Variants in BRF1 observed in about 807,000 individuals in gnomAD.
BRF1 encodes transcription factor IIIB 90 kDa subunit.
A neutral mutation model predicts 81.7 loss-of-function variants in BRF1; 59 were observed. The observed-to-expected ratio is 0.72, with a 90% CI of 0.59 to 0.90. BRF1 has a LOEUF of 0.90. Among genes scored for constraint, BRF1 ranks in the 40% least tolerant of loss-of-function variants. The pLI is 0.00. For synonymous variants in BRF1, 491 were observed against 395.6 expected, an observed-to-expected ratio of 1.24 and a Z score of -2.86; for missense variants, 1,050 against 936.3, an observed-to-expected ratio of 1.12 and a Z score of -1.58.
chr14:105,301,512 C>T (rs1487026508), upstream of BRF1, among the ~76,000 whole-genome samples: 1 of 148,372 alleles, frequency 6.7e-6, no homozygotes, highest in African/African-American at 2.5e-5. Flanking sequence ...GAGTGGTGGG[C>T]GGGGCCAGGG....
Position 105,212,449 on chromosome 14 carries a change from G to C in BRF1, c.1773-285C>G, listed in dbSNP as rs113844484. The C allele has an allele frequency of 8.7e-4, 370 of 423,068 alleles. 1 individual carries two copies. The highest frequency in any genetic ancestry group is 2.1e-3 in the Middle Eastern group (3 of 1,440). 26.2% of individuals were successfully genotyped at this position (423,068 alleles called of 1,614,324 possible). ...CCACTCCCCTTCCAACAGTGCCTGA[G>C]CCCTCAAGGAGCTGCCTGGTGCCCT... On this transcript the variant is annotated intron_variant, in intron 15 of 17. Coordinates refer to ENST00000547530, the MANE Select transcript of BRF1 (RefSeq NM_001519.4).
Position 105,287,605 on chromosome 14 carries a change from G to C in BRF1, c.185-1229C>G, listed in dbSNP as rs1460027162. 2.6e-5 allele frequency among the ~76,000 whole-genome samples: 4 copies of C among 152,290 alleles called. No homozygotes were observed. The East Asian group carries it at 7.7e-4, about 29-fold the overall frequency. Reference sequence around the variant, plus strand: ...AGGATGCAGAAGCAGAAAGCCAATCGCTGGAGCCTGGGGCCAGGCCCTCCA... The same window carrying C: ...AGGATGCAGAAGCAGAAAGCCAATCCCTGGAGCCTGGGGCCAGGCCCTCCA... On this transcript the variant is annotated intron_variant, in intron 1 of 17. Coordinates refer to ENST00000547530, the MANE Select transcript of BRF1 (RefSeq NM_001519.4).
At chr14:105,304,273 C>T (rs756573946), upstream of BRF1, among the ~76,000 whole-genome samples, 11 of 152,140 alleles carry the variant, frequency 7.2e-5, no homozygotes, top group Admixed American at 1.3e-4. Context: ...GGGCAGATCA[C>T]GAGGTCAAGA....
Position 105,221,628 on chromosome 14 carries a change from A to G in BRF1, c.1315+20T>C. 6.2e-7 allele frequency: 1 copy of G among 1,601,228 alleles called. No homozygotes were observed. Among genetic ancestry groups the G allele is most frequent in the South Asian group, 1.1e-5 (1 of 89,594 alleles). The stretch of plus-strand genomic sequence containing the variant: ...TCTCCCGATGACCTCAGCGTCCCCC[A>G]GGGCCCCATCAGAACTCACTGGGGT... On this transcript the variant is annotated intron_variant, in intron 11 of 17. Coordinates refer to ENST00000547530, the MANE Select transcript of BRF1 (RefSeq NM_001519.4).
chr14:105,286,234 G>A (rs2057309313), intron 2 of BRF1, 62 bp downstream of exon 2: 1 of 1,526,786 alleles, frequency 6.5e-7, no homozygotes, highest in East Asian at 2.3e-5. Context: ...CTCCACCCTA[G>A]CACCACCATC....
chr14:105,307,723 C>T (rs2058230372), intron 1 of BRF1, among the ~76,000 whole-genome samples: 1 of 152,262 alleles, frequency 6.6e-6, no homozygotes, highest in African/African-American at 2.4e-5. Flanking sequence ...GTTTCTACTT[C>T]CTCATCTGCA....
At chr14:105,229,649 A>G (rs1336376467) in intron 6 of BRF1, among the ~76,000 whole-genome samples, 3 of 150,908 alleles carry the variant, frequency 2.0e-5, no homozygotes, top group African/African-American at 4.9e-5. Flanking sequence ...GGGGCGGGGG[A>G]CAGCCTGGCA....
rs140143289 is a variant in BRF1 at position 105,291,952 on chromosome 14, T to C, written c.185-5576A>G. Among the ~76,000 whole-genome samples the C allele has an allele frequency of 3.7e-3, 566 of 151,986 alleles. 1 individual carries two copies. The highest frequency in any genetic ancestry group is 0.013 in the African/African-American group (531 of 41,456). On this transcript the variant is annotated intron_variant, in intron 1 of 17. Transcript: ENST00000547530. Reference sequence around the variant, plus strand: ...GGCGGAGGCTGCAGTGAGATGAGATTGCGCCATTGCACTCCAGCCTGGGCA... The same window carrying C: ...GGCGGAGGCTGCAGTGAGATGAGATCGCGCCATTGCACTCCAGCCTGGGCA...
In BRF1 at chr14:105,210,392, T is replaced by C. The variant is rs1038803843; in HGVS notation, c.*159A>G. 4.2e-6 allele frequency: 3 copies of C among 715,232 alleles called. No homozygotes were observed. In the African/African-American group the frequency reaches 5.4e-5, roughly 13 times the overall value. The allele number at this position is 715,232 out of a possible 1,614,324, so 44.3% of individuals were successfully genotyped here. ...TTGCTGAATAGAAACACAATCCCAA[T>C]GGTAAGTTCCACATGGGACGAGGGC... On this transcript the variant is annotated 3_prime_UTR_variant, in exon 18 of 18. Coordinates refer to ENST00000547530, the MANE Select transcript of BRF1 (RefSeq NM_001519.4). This position sits in a 1 kb window ranked among gnomAD's most constrained non-coding sequence, Gnocchi z 4.7.
intron 6 of BRF1, among the ~76,000 whole-genome samples, chr14:105,229,185 GCAAA>G (rs1305480596): frequency 6.6e-6 from 1 of 152,210 alleles, no homozygotes; most frequent in Non-Finnish European, 1.5e-5. Flanking sequence ...ATCCCTCAAA[GCAAA>G]CAAACTAACT....
At chr14:105,261,078 G>A (rs1045654783) in intron 3 of BRF1, among the ~76,000 whole-genome samples, 2 of 152,244 alleles carry the variant, frequency 1.3e-5, no homozygotes, top group Non-Finnish European at 2.9e-5. Context: ...AAAAAAGTCT[G>A]CAGAGAAGAG....
chr14:105,272,305 C>A (rs1327598637), intron 3 of BRF1, among the ~76,000 whole-genome samples: 2 of 152,210 alleles, frequency 1.3e-5, no homozygotes, highest in Non-Finnish European at 2.9e-5. Context: ...ACGGTGTCCA[C>A]AGCTGCAGGC....
chr14:105,286,519 C>T (rs1051633690), intron 1 of BRF1, 143 bp from the exon 2 acceptor site: 11 of 809,992 alleles, frequency 1.4e-5, no homozygotes, highest in East Asian at 2.7e-5. Context: ...CCCGCACCTC[C>T]GTCACTGAGC....
intron 10 of BRF1, among the ~76,000 whole-genome samples, chr14:105,225,525 C>G (rs1892944545): frequency 6.6e-6 from 1 of 152,190 alleles, no homozygotes; most frequent in Non-Finnish European, 1.5e-5. Context: ...TCCAACCTGA[C>G]TCTAGTACAA....
intron 2 of BRF1, among the ~76,000 whole-genome samples, chr14:105,279,428 C>T (rs1356073000): frequency 6.6e-6 from 1 of 152,158 alleles, no homozygotes; most frequent in African/African-American, 2.4e-5. Context: ...AAAGGACGTC[C>T]CAACAGCCAA....
rs959377644 is a variant in BRF1, at chr14:105,269,579, A to G, written c.439+3142T>C. Among the ~76,000 whole-genome samples the G allele has an allele frequency of 2.6e-4, 40 of 152,072 alleles. No homozygotes were observed. Among genetic ancestry groups the G allele is most frequent in the Non-Finnish European group, 1.6e-4 (11 of 67,998 alleles). On this transcript the variant is annotated intron_variant, in intron 3 of 17. Coordinates refer to ENST00000547530, the MANE Select transcript of BRF1 (RefSeq NM_001519.4). This position sits in a 1 kb window ranked among gnomAD's most constrained non-coding sequence, Gnocchi z 5.0. The stretch of plus-strand genomic sequence containing the variant: ...ACTGTGCGTGAGCCTCGGTGGGGAC[A>G]CAGGTACTCTTTTCCCTTGGGCACA...
intron 3 of BRF1, among the ~76,000 whole-genome samples, chr14:105,260,692 A>C (rs587696461): frequency 1.3e-5 from 2 of 152,298 alleles, no homozygotes; most frequent in South Asian, 4.1e-4. Context: ...TTTCTTAATA[A>C]AACAATGGGA....
chr14:105,215,009 G>T (rs907887621), intron 15 of BRF1, among the ~76,000 whole-genome samples: 7 of 152,338 alleles, frequency 4.6e-5, no homozygotes, highest in South Asian at 2.1e-4. Context: ...AGGCCTGAGT[G>T]GGGGTGGGAG....
chr14:105,241,163 G>C (rs1235706561), intron 6 of BRF1, 102 bp downstream of exon 6: 1 of 1,529,938 alleles, frequency 6.5e-7, no homozygotes, highest in African/African-American at 1.4e-5. Context: ...AGCTCTCAGT[G>C]CTCTGCAAAC....
Sources: allele counts gnomAD v4.1 joint callset (sites outside exome capture counted in the v4.1 genomes callset), GRCh38; gene constraint gnomAD v4.1.1; non-coding constraint Gnocchi (gnomAD v3.1); transcripts MANE v1.5; gene names NCBI Gene and HGNC (gene_info 2026-07-23, HGNC 2026-07-21).